The following ANKRD44 variants were observed in gnomAD, a reference collection of about 807,000 sequenced individuals.
ANKRD44 encodes the protein ankyrin repeat domain 44, also known as serine/threonine-protein phosphatase 6 regulatory ankyrin repeat subunit B.
In ANKRD44, 35 loss-of-function variants were observed where a neutral mutation model predicts 116.0. The observed-to-expected ratio is 0.30, with a 90% confidence interval of 0.23 to 0.40. ANKRD44 has a LOEUF of 0.40. Among genes scored for constraint, ANKRD44 ranks in the 10% least tolerant of loss-of-function variants. The pLI is 1.00. For synonymous variants in ANKRD44, 435 were observed against 461.8 expected (o/e 0.94, Z 0.74); for missense variants, 1,014 against 1,242.6 (o/e 0.82, Z 2.77).
intron 1 of ANKRD44, chr2:197,198,879 GC>G (rs1484143089): frequency 1.3e-5 from 2 of 152,240 alleles, no homozygotes; most frequent in Non-Finnish European, 2.9e-5. Flanking sequence ...AGGAGTGGCT[GC>G]CTACATTCAA....
intron 1 of ANKRD44, among the ~76,000 whole-genome samples, chr2:197,191,367 C>T (rs1363769109): frequency 6.6e-6 from 1 of 152,172 alleles, no homozygotes; most frequent in Non-Finnish European, 1.5e-5. Flanking sequence ...CTTGACCCCT[C>T]TAAGATAGAA....
chr2:197,017,203 G>A (rs945610636), intron 17 of ANKRD44, among the ~76,000 whole-genome samples: 2 of 152,024 alleles, frequency 1.3e-5, no homozygotes, highest in Non-Finnish European at 2.9e-5. Context: ...AAAGAGAAAA[G>A]AAGTTGCAAA....
downstream of ANKRD44, among the ~76,000 whole-genome samples, chr2:196,984,185 G>A (rs2075821521): frequency 6.6e-6 from 1 of 152,316 alleles, no homozygotes; most frequent in Admixed American, 6.5e-5. Flanking sequence ...GGTGAGCAGT[G>A]GGGTAGAGGA....
intron 10 of ANKRD44, among the ~76,000 whole-genome samples, chr2:197,094,138 G>C (rs1029406346): frequency 6.6e-6 from 1 of 152,222 alleles, no homozygotes; most frequent in South Asian, 2.1e-4. Context: ...TGGCATCAGA[G>C]AGATGTGGCT....
intron 1 of ANKRD44, among the ~76,000 whole-genome samples, chr2:197,265,930 C>T (rs13393344): frequency 0.014 from 2,065 of 152,128 alleles, 56 homozygotes; most frequent in African/African-American, 0.048. Context: ...TAGTAAAAGC[C>T]TTTTGTCACA....
Position 197,078,813 on chromosome 2 carries a change from A to G in ANKRD44, c.1540T>C (p.Cys514Arg). The change falls in exon 16 of 28, where the codon TGT (cysteine) becomes CGT (arginine). Residue 514 changes from cysteine (C) to arginine (R), a missense_variant and splice_region_variant. Cys to Arg is a radical substitution (Grantham distance 180). Transcript: ENST00000282272. Reference protein sequence around the residue: ...RELKEKEATLCLEFLLQNDAN... With the variant: ...RELKEKEATLRLEFLLQNDAN... Reference sequence around the variant, plus strand: ...TCATTTTGAAGCAGAAACTCTAGACATCTGTAAGTATAAAGATGAAGTGTT... The same window carrying G: ...TCATTTTGAAGCAGAAACTCTAGACGTCTGTAAGTATAAAGATGAAGTGTT... 1 of 1,612,630 alleles carries G rather than the reference A, an allele frequency of 6.2e-7. No individual in the cohort carries two copies. Among genetic ancestry groups the G allele is most frequent in the Non-Finnish European group, 8.5e-7 (1 of 1,178,996 alleles).
At chr2:197,086,555 C>A in intron 13 of ANKRD44, 125 bp downstream of exon 13, 1 of 824,234 alleles carries the variant, frequency 1.2e-6, no homozygotes, top group East Asian at 2.7e-5. Flanking sequence ...GACTTCCTTC[C>A]GAGGAGGATG....
chr2:197,179,455 C>T (rs924386289), intron 2 of ANKRD44, among the ~76,000 whole-genome samples: 3 of 152,190 alleles, frequency 2.0e-5, no homozygotes, highest in Admixed American at 1.3e-4. Context: ...ATCCTCTGTC[C>T]AAATGCGTAT....
At position 197,309,430 on chromosome 2, in the gene ANKRD44, G is replaced by C. The variant is rs749252266; in HGVS notation, c.27+1148C>G. Among the ~76,000 whole-genome samples, 4 of 152,148 alleles carry C rather than the reference G, an allele frequency of 2.6e-5. No homozygotes were observed. The South Asian group carries it at 6.2e-4, about 24-fold the overall frequency. ...TTAGGAAAAACAAGCTAAAAAAATT[G>C]AATCTAAAAGGCAGGAGAACAAATC... On this transcript the variant is annotated intron_variant, in intron 1 of 27. Transcript: ENST00000282272.
rs533021479 is a variant in ANKRD44, at chr2:197,177,451, G to A, written c.111+9572C>T. ...TGGGAGCGCCATTATGCTTGTCACC[G>A]TGAGTAGTAAGTACCACGCCACTGA... On this transcript the variant is annotated intron_variant, in intron 2 of 27. Transcript: ENST00000282272. Among the ~76,000 whole-genome samples, 12 of 152,224 alleles carry A rather than the reference G, an allele frequency of 7.9e-5. No homozygotes were observed. In the East Asian group the frequency reaches 1.4e-3, roughly 17 times the overall value.
At chr2:197,146,959 G>T in intron 3 of ANKRD44, 68 bp downstream of exon 3, 1 of 1,422,778 alleles carries the variant, frequency 7.0e-7, no homozygotes, top group Non-Finnish European at 9.8e-7. Context: ...CACTGTAGTA[G>T]TCAATCTAGT....
At chr2:197,109,044 T>C (rs999259971) in intron 9 of ANKRD44, among the ~76,000 whole-genome samples, 1 of 152,180 alleles carries the variant, frequency 6.6e-6, no homozygotes, top group Admixed American at 6.5e-5. Context: ...CAGCATGGCC[T>C]GACGCACAGG....
At chr2:197,112,447 C>T (rs539784056) in intron 8 of ANKRD44, among the ~76,000 whole-genome samples, 5 of 152,292 alleles carry the variant, frequency 3.3e-5, no homozygotes, top group African/African-American at 9.6e-5. Context: ...CAGTGGCTCA[C>T]GCCTGTAATC....
At chr2:197,025,326 T>A in intron 16 of ANKRD44, 59 bp from the exon 17 acceptor site, 1 of 1,423,698 alleles carries the variant, frequency 7.0e-7, no homozygotes, top group Non-Finnish European at 9.9e-7. Flanking sequence ...AATGTTGGTG[T>A]AAATGAGAAA....
intron 2 of ANKRD44, among the ~76,000 whole-genome samples, chr2:197,152,582 C>G (rs556335631): frequency 6.6e-6 from 1 of 152,216 alleles, no homozygotes; most frequent in African/African-American, 2.4e-5. Context: ...AGAGATCAGG[C>G]AGAGGAAGTT....
intron 1 of ANKRD44, among the ~76,000 whole-genome samples, chr2:197,301,948 G>A (rs2083922438): frequency 2.0e-5 from 3 of 152,208 alleles, no homozygotes; most frequent in African/African-American, 4.8e-5. Context: ...TGTGGAGTGG[G>A]CATTTTAAAT....
chr2:197,110,871 C>A, intron 8 of ANKRD44, 27 bp from the exon 9 acceptor site: 1 of 1,574,326 alleles, frequency 6.4e-7, no homozygotes, highest in Non-Finnish European at 8.7e-7. Flanking sequence ...GAGAGAAAAA[C>A]AATGGAGGTG....
Position 197,143,566 on chromosome 2 carries a change from T to G in ANKRD44, c.190+3461A>C, listed in dbSNP as rs1485206726. On this transcript the variant is annotated intron_variant, in intron 3 of 27. Transcript: ENST00000282272. ...TATGGCTGCATAGTATTCCATGGTG[T>G]ATATGTGCCACATTTTCTTAATCCA... Among the ~76,000 whole-genome samples, 3 of 152,092 alleles carry G rather than the reference T, an allele frequency of 2.0e-5. No individual in the cohort carries two copies. The East Asian group carries it at 5.8e-4, about 29-fold the overall frequency.
chr2:197,186,612 C>CTTTTTTTTTTTTTTTT lies in ANKRD44; in HGVS notation c.111+395_111+410dup, dbSNP rs149107038. Reference sequence around the variant, plus strand: ...CCATCACTATGCCCGGCTAATTTTTCTTTTTTTTTTTTTTTTTTTTTTTTT... The same window carrying CTTTTTTTTTTTTTTTT: ...CCATCACTATGCCCGGCTAATTTTTCTTTTTTTTTTTTTTTTTTTTTTTTTTTTTTTTTTTTTTTTT... On this transcript the variant is annotated intron_variant, in intron 2 of 27. Transcript: ENST00000282272. Among the ~76,000 whole-genome samples the CTTTTTTTTTTTTTTTT allele has an allele frequency of 4.9e-4, 25 of 50,806 alleles. 3 individuals are homozygous for CTTTTTTTTTTTTTTTT. Among genetic ancestry groups the CTTTTTTTTTTTTTTTT allele is most frequent in the East Asian group, 1.1e-3 (1 of 926 alleles). 33.3% of individuals were successfully genotyped at this position (50,806 alleles called of 152,430 possible). A position where few individuals can be genotyped will look rare whatever the true frequency, so the allele number is the denominator to read the frequency against.
Sources: gnomAD v4.1 joint callset for allele counts (sites outside exome capture counted in the v4.1 genomes callset) on GRCh38, gnomAD v4.1.1 for gene constraint, MANE v1.5 for transcripts, NCBI Gene and HGNC (gene_info 2026-07-23, HGNC 2026-07-21) for gene names.